The following RNF157 variants were observed in gnomAD, a reference collection of about 807,000 sequenced individuals.
The protein encoded by RNF157 is ring finger protein 157, also known as E3 ubiquitin ligase RNF157.
Under a neutral mutation model 88.3 loss-of-function variants are expected in RNF157, and 55 were observed. That is an observed-to-expected ratio of 0.62 (90% CI 0.50 to 0.78). The LOEUF (loss-of-function observed/expected upper bound fraction) is 0.78. Ranked by LOEUF, RNF157 falls within the 30% of genes least tolerant of loss-of-function variation. RNF157 has a pLI of 0.00. For synonymous variants in RNF157, 334 were observed against 341.2 expected (o/e 0.98, Z 0.23); for missense variants, 788 against 860.8 (o/e 0.92, Z 1.06).
At chr17:76,183,478 A>G (rs192206479) in intron 2 of RNF157, among the ~76,000 whole-genome samples, 1 of 152,166 alleles carries the variant, frequency 6.6e-6, no homozygotes, top group African/African-American at 2.4e-5. Flanking sequence ...TTTTAGAGGT[A>G]GGGTCTTGCT....
At chr17:76,156,418 A>G in intron 13 of RNF157, 97 bp from the exon 14 acceptor site, 1 of 1,555,816 alleles carries the variant, frequency 6.4e-7, no homozygotes, top group Non-Finnish European at 8.7e-7. Context: ...AGAGATGAGG[A>G]GGAAAGGCGA....
chr17:76,146,298 G>A lies in RNF157; in HGVS notation c.1922-945C>T, dbSNP rs2068584511. The stretch of plus-strand genomic sequence containing the variant: ...GATGGGACATGCGTACTGACCTCAC[G>A]GGCTTGCTGTGAGGACTAGATGAGA... On this transcript the variant is annotated intron_variant, in intron 18 of 18. Coordinates refer to ENST00000269391, the MANE Select transcript of RNF157 (RefSeq NM_052916.3). The surrounding 1 kb of genome is among the most constrained non-coding windows in gnomAD (Gnocchi z 4.2). 10 of 964,100 alleles carry A rather than the reference G, an allele frequency of 1.0e-5. No individual in the cohort carries two copies. Among genetic ancestry groups the A allele is most frequent in the Non-Finnish European group, 1.2e-5 (10 of 810,544 alleles). 59.7% of individuals were successfully genotyped at this position (964,100 alleles called of 1,614,324 possible). A position where few individuals can be genotyped will look rare whatever the true frequency, so the allele number is the denominator to read the frequency against.
At chr17:76,159,201 C>T in intron 12 of RNF157, 134 bp downstream of exon 12, 2 of 740,000 alleles carry the variant, frequency 2.7e-6, no homozygotes, top group Non-Finnish European at 4.6e-6. Flanking sequence ...GGATAACCTT[C>T]ACGCAAGCAG....
chr17:76,146,277 G>T lies in RNF157; in HGVS notation c.1922-924C>A. On this transcript the variant is annotated intron_variant, in intron 18 of 18. Transcript: ENST00000269391. The surrounding 1 kb of genome is among the most constrained non-coding windows in gnomAD (Gnocchi z 4.2). Reference sequence around the variant, plus strand: ...CCTTGGTTTTCTCACCCATCAGATGGGACATGCGTACTGACCTCACGGGCT... The same window carrying T: ...CCTTGGTTTTCTCACCCATCAGATGTGACATGCGTACTGACCTCACGGGCT... The T allele has an allele frequency of 2.2e-6, 2 of 889,880 alleles. No individual in the cohort carries two copies. Among genetic ancestry groups the T allele is most frequent in the Non-Finnish European group, 2.7e-6 (2 of 742,578 alleles). The allele number at this position is 889,880 out of a possible 1,614,324, so 55.1% of individuals were successfully genotyped here.
At chr17:76,211,500 T>C (rs1478006336) in intron 2 of RNF157, among the ~76,000 whole-genome samples, 1 of 152,208 alleles carries the variant, frequency 6.6e-6, no homozygotes, top group Non-Finnish European at 1.5e-5. Flanking sequence ...TTCAAGGCAG[T>C]GAGGAGCACT....
chr17:76,232,547 C>T (rs73364512), intron 1 of RNF157, among the ~76,000 whole-genome samples: 1,826 of 152,252 alleles, frequency 0.012, 30 homozygotes, highest in African/African-American at 0.04. Context: ...TGAGCAATGC[C>T]GCTATGAACA....
intron 14 of RNF157, among the ~76,000 whole-genome samples, chr17:76,155,998 G>A (rs2068757318): frequency 6.6e-6 from 1 of 152,162 alleles, no homozygotes; most frequent in African/African-American, 2.4e-5. Context: ...AGGAGGACTG[G>A]GGCTGAGAGA....
In RNF157 at chr17:76,191,611, A is replaced by C. The variant is rs181312272; in HGVS notation, c.208-17821T>G. On this transcript the variant is annotated intron_variant, in intron 2 of 18. Transcript: ENST00000269391. ...GCAAGACTCCGCCTCAAAAAAAAAA[A>C]AAAAAAAAAAACATTAGCCAGGTGT... 6.8e-3 allele frequency among the ~76,000 whole-genome samples: 1,031 copies of C among 151,592 alleles called. 14 individuals carry two copies. The highest frequency in any genetic ancestry group is 0.023 in the African/African-American group (941 of 41,266).
chr17:76,151,387 G>A (rs909721999), intron 18 of RNF157, among the ~76,000 whole-genome samples: 3 of 152,216 alleles, frequency 2.0e-5, no homozygotes, highest in Non-Finnish European at 4.4e-5. Flanking sequence ...GATGGAGAGT[G>A]GCAACCACAG....
In RNF157 at chr17:76,155,683, T is replaced by G; in HGVS notation, c.1577A>C (p.Gln526Pro). 1 of 1,611,656 alleles carries G rather than the reference T, an allele frequency of 6.2e-7. No individual in the cohort carries two copies. The highest frequency in any genetic ancestry group is 8.5e-7 in the Non-Finnish European group (1 of 1,178,960). ...AQSVMSMASS[Q>P]ISTDTVSSMS... ...GGAGGAGACGGTGTCAGTGCTGATC[T>G]GGGAGGATGCCATGGACATGACAGA... The change falls in exon 15 of 19, where the codon CAG becomes CCG. Residue 526 changes from glutamine (Q) to proline (P), a missense_variant. Transcript: ENST00000269391.
At chr17:76,216,609 A>C (rs2069893148) in intron 1 of RNF157, among the ~76,000 whole-genome samples, 1 of 151,812 alleles carries the variant, frequency 6.6e-6, no homozygotes, top group African/African-American at 2.4e-5. Flanking sequence ...AATAATAATA[A>C]TACTATGGTA....
At chr17:76,226,317 G>A in intron 1 of RNF157, 2 of 1,606,682 alleles carry the variant, frequency 1.2e-6, no homozygotes, top group Non-Finnish European at 1.7e-6. Flanking sequence ...GGGGAAAGGG[G>A]AAGAAGTTGC....
intron 1 of RNF157, among the ~76,000 whole-genome samples, chr17:76,239,356 G>A (rs569231589): frequency 8.2e-4 from 125 of 152,240 alleles, no homozygotes; most frequent in Middle Eastern, 3.4e-3. Context: ...AGAGGCTAGA[G>A]ACATTTAAGT....
At position 76,152,472 on chromosome 17, in the gene RNF157, C is replaced by T. The variant is rs761786557; in HGVS notation, c.1811-7G>A. 23 of 1,581,792 alleles carry T rather than the reference C, an allele frequency of 1.5e-5. No individual in the cohort carries two copies. The highest frequency in any genetic ancestry group is 1.7e-4 in the Middle Eastern group (1 of 6,030). On this transcript the variant is annotated splice_region_variant and splice_polypyrimidine_tract_variant and intron_variant, in intron 17 of 18. Coordinates refer to ENST00000269391, the MANE Select transcript of RNF157 (RefSeq NM_052916.3). ...AATGCGCACGTCCTCTGGCCTGTAA[C>T]GGAGTTAATGCAGTTAGAGAGGGGC... is the stretch of plus-strand genomic sequence containing the variant.
At chr17:76,149,116 C>T (rs1404525909) in intron 18 of RNF157, among the ~76,000 whole-genome samples, 1 of 152,080 alleles carries the variant, frequency 6.6e-6, no homozygotes, top group Non-Finnish European at 1.5e-5. Context: ...AAAAATCCAC[C>T]CTTGGTCTTG....
At chr17:76,236,789 G>A (rs922818287) in intron 1 of RNF157, among the ~76,000 whole-genome samples, 1 of 152,184 alleles carries the variant, frequency 6.6e-6, no homozygotes, top group Non-Finnish European at 1.5e-5. Flanking sequence ...CTATATAGTT[G>A]TTAAAAAGCA....
intron 13 of RNF157, 103 bp from the exon 14 acceptor site, chr17:76,156,424 G>T (rs994031377): frequency 2.6e-6 from 4 of 1,543,898 alleles, no homozygotes; most frequent in Admixed American, 2.1e-5. Context: ...GAGGAGGAAA[G>T]GCGACACTGG....
At chr17:76,198,765 C>T (rs2144971162) in intron 2 of RNF157, among the ~76,000 whole-genome samples, 1 of 152,300 alleles carries the variant, frequency 6.6e-6, no homozygotes, top group Middle Eastern at 3.4e-3. Flanking sequence ...ATTAGTGGTT[C>T]CCCACACCTA....
rs2068591857 is a variant in RNF157, at chr17:76,146,777, C to A, written c.1922-1424G>T. On this transcript the variant is annotated intron_variant, in intron 18 of 18. Transcript: ENST00000269391. The surrounding 1 kb of genome is among the most constrained non-coding windows in gnomAD (Gnocchi z 4.2). ...TTCACTGTTGCAGTCCAGAGCCCAGCACAACACCTGACCCATAGGAGGACC... is the reference window on the plus strand; with the variant it reads ...TTCACTGTTGCAGTCCAGAGCCCAGAACAACACCTGACCCATAGGAGGACC... 2.0e-6 allele frequency: 2 copies of A among 985,156 alleles called. No homozygotes were observed. Among genetic ancestry groups the A allele is most frequent in the South Asian group, 9.4e-5 (2 of 21,286 alleles). The allele number at this position is 985,156 out of a possible 1,614,324, so 61.0% of individuals were successfully genotyped here.
Sources: allele counts gnomAD v4.1 joint callset (sites outside exome capture counted in the v4.1 genomes callset), GRCh38; gene constraint gnomAD v4.1.1; non-coding constraint Gnocchi (gnomAD v3.1); transcripts MANE v1.5; gene names NCBI Gene and HGNC (gene_info 2026-07-23, HGNC 2026-07-21).